TPD52: variants seen among roughly 807,000 people sequenced by gnomAD.
TPD52 encodes the protein prostate and colon associated protein.
A neutral mutation model predicts 31.3 loss-of-function variants in TPD52; 17 were observed. The ratio of observed to expected loss-of-function variants is 0.54; its 90% CI spans 0.37 to 0.82. The LOEUF (loss-of-function observed/expected upper bound fraction) is 0.82, where lower values mean the gene tolerates loss of function less well. Among genes scored for constraint, TPD52 ranks in the 40% least tolerant of loss-of-function variants. The probability of loss-of-function intolerance (pLI) is 0.00; values close to 1 mark genes in which losing one functional copy is unlikely to be tolerated. For missense variants in TPD52, 212 were observed against 240.1 expected, an observed-to-expected ratio of 0.88 and a Z score of 0.77; for synonymous variants, 83 against 89.6, an observed-to-expected ratio of 0.93 and a Z score of 0.42.
chr8:80,042,606 A>T lies in TPD52; in HGVS notation c.504+14T>A. On this transcript the variant is annotated intron_variant, in intron 7 of 7. Coordinates refer to ENST00000518937, the MANE Select transcript of TPD52 (RefSeq NM_001025253.3). Reference sequence around the variant, plus strand: ...GCAATGTATCAAAAAGACCCTGTTCATCTCTCTACTTGCCTTTAAGTTTTC... The same window carrying T: ...GCAATGTATCAAAAAGACCCTGTTCTTCTCTCTACTTGCCTTTAAGTTTTC... The T allele has an allele frequency of 6.2e-7, 1 of 1,606,826 alleles. No homozygotes were observed. The highest frequency in any genetic ancestry group is 8.5e-7 in the Non-Finnish European group (1 of 1,176,336).
At chr8:80,106,386 C>T (rs1381714099) in intron 1 of TPD52, among the ~76,000 whole-genome samples, 1 of 152,088 alleles carries the variant, frequency 6.6e-6, no homozygotes, top group Admixed American at 6.5e-5. Context: ...GAGACAGAGT[C>T]TTGCTCTGTC....
intron 1 of TPD52, among the ~76,000 whole-genome samples, chr8:80,098,061 T>G (rs535901803): frequency 1.3e-5 from 2 of 152,372 alleles, no homozygotes; most frequent in South Asian, 4.1e-4. Context: ...GTTTATAATA[T>G]GGTTTACTGA....
At position 80,086,654 on chromosome 8, in the gene TPD52, A is replaced by G; in HGVS notation, c.20-22061T>C. 2.0e-5 allele frequency among the ~76,000 whole-genome samples: 3 copies of G among 151,956 alleles called. No homozygotes were observed. In the South Asian group the frequency reaches 6.2e-4, roughly 32 times the overall value. On this transcript the variant is annotated intron_variant, in intron 1 of 7. Transcript: ENST00000518937. ...TTTGGGAGACCAAGGCAGGCAGATC[A>G]CCTGACATCAAGAGTTCGAGACCAG... is the stretch of plus-strand genomic sequence containing the variant.
intron 1 of TPD52, among the ~76,000 whole-genome samples, chr8:80,095,765 G>A (rs1037040580): frequency 6.6e-6 from 1 of 152,114 alleles, no homozygotes; most frequent in African/African-American, 2.4e-5. Flanking sequence ...CCAACATGGT[G>A]AAACTCCGTC....
At chr8:80,056,847 T>C (rs530630580) in intron 2 of TPD52, among the ~76,000 whole-genome samples, 2 of 152,082 alleles carry the variant, frequency 1.3e-5, no homozygotes, top group Non-Finnish European at 2.9e-5. Flanking sequence ...GCAACTCCAC[T>C]CCTAGGTATA....
intron 1 of TPD52, among the ~76,000 whole-genome samples, chr8:80,128,540 C>T (rs1475905458): frequency 6.7e-6 from 1 of 149,596 alleles, no homozygotes; most frequent in African/African-American, 2.5e-5. Context: ...CACACCCATA[C>T]TTCTCAGCTA....
chr8:80,139,276 T>A (rs1809650305), intron 1 of TPD52, among the ~76,000 whole-genome samples: 1 of 152,148 alleles, frequency 6.6e-6, no homozygotes, highest in South Asian at 2.1e-4. Context: ...TACTATAAAA[T>A]CCACTATTTT....
chr8:80,064,585 T>C lies in TPD52; in HGVS notation c.28A>G (p.Arg10Gly). The C allele has an allele frequency of 6.2e-7, 1 of 1,613,136 alleles. No individual in the cohort carries two copies. Among genetic ancestry groups the C allele is most frequent in the Non-Finnish European group, 8.5e-7 (1 of 1,179,066 alleles). Residue 10 changes from arginine (R) to glycine (G), a missense_variant, in exon 2 of 8, where the codon AGA becomes GGA. By Grantham distance (125) the Arg-to-Gly change is moderately radical. Transcript: ENST00000518937. ...CCTTCCTCAGGGACTGGGTCTGTTC[T>C]CAGCAGACCTGGTTGGGGATTTAAA... MDRGEQGLL[R>G]TDPVPEEGED... is the part of the protein sequence containing the mutation.
chr8:80,092,924 A>G (rs1816398172), intron 1 of TPD52, among the ~76,000 whole-genome samples: 1 of 152,182 alleles, frequency 6.6e-6, no homozygotes, highest in Non-Finnish European at 1.5e-5. Context: ...AATAAAGAAT[A>G]TATTTATTAC....
chr8:80,096,082 C>T (rs1360276570), intron 1 of TPD52, among the ~76,000 whole-genome samples: 4 of 152,108 alleles, frequency 2.6e-5, no homozygotes, highest in Non-Finnish European at 5.9e-5. Context: ...ATGACAAAAA[C>T]CCGTCTCTAT....
intron 1 of TPD52, among the ~76,000 whole-genome samples, chr8:80,158,070 CTATTTGCTTGGGAA>C (rs770795759): frequency 6.6e-5 from 10 of 152,320 alleles, no homozygotes; most frequent in East Asian, 1.9e-4. Context: ...TATCTATAGT[CTATTTGCTTGGGAA>C]TATTTGCTTG....
chr8:80,091,641 A>C (rs1816284105), intron 1 of TPD52, among the ~76,000 whole-genome samples: 1 of 152,182 alleles, frequency 6.6e-6, no homozygotes, highest in Non-Finnish European at 1.5e-5. Context: ...TTCATTTTAG[A>C]AATAGAGTTT....
chr8:80,146,260 A>G (rs1791329488), intron 1 of TPD52, among the ~76,000 whole-genome samples: 1 of 152,266 alleles, frequency 6.6e-6, no homozygotes. Context: ...AGCCCCTGGA[A>G]GTTCACCTAA....
At chr8:80,148,713 C>T (rs1810373259) in intron 1 of TPD52, among the ~76,000 whole-genome samples, 3 of 152,100 alleles carry the variant, frequency 2.0e-5, no homozygotes, top group Admixed American at 2.0e-4. Flanking sequence ...ACATCAGTTA[C>T]TCCAATTTCA....
At chr8:80,080,766 AAAG>A in intron 1 of TPD52, 1 of 1,051,970 alleles carries the variant, frequency 9.5e-7, no homozygotes. Flanking sequence ...CTCAGTCAAC[AAAG>A]AAGGGCAGGG....
chr8:80,101,835 TCCA>T (rs1806765911), intron 1 of TPD52, among the ~76,000 whole-genome samples: 1 of 152,034 alleles, frequency 6.6e-6, no homozygotes, highest in African/African-American at 2.4e-5. Flanking sequence ...AGGCCACACT[TCCA>T]ACACCGGGGA....
chr8:80,070,982 T>C (rs975774352), intron 1 of TPD52, among the ~76,000 whole-genome samples: 4 of 152,104 alleles, frequency 2.6e-5, no homozygotes, highest in African/African-American at 9.7e-5. Context: ...ACGCAGAGAC[T>C]CAGAGAAGAG....
intron 1 of TPD52, among the ~76,000 whole-genome samples, chr8:80,066,092 C>T (rs1347934853): frequency 2.0e-5 from 3 of 152,132 alleles, no homozygotes; most frequent in Non-Finnish European, 4.4e-5. Flanking sequence ...AATGTGGCAT[C>T]CTGCCCAATG....
chr8:80,113,204 T>C (rs1807620319), intron 1 of TPD52, among the ~76,000 whole-genome samples: 1 of 151,732 alleles, frequency 6.6e-6, no homozygotes, highest in South Asian at 2.1e-4. Flanking sequence ...TGACCACCTA[T>C]TTAAAATCAC....
Sources: allele counts gnomAD v4.1 joint callset (sites outside exome capture counted in the v4.1 genomes callset), GRCh38; gene constraint gnomAD v4.1.1; transcripts MANE v1.5; gene names NCBI Gene and HGNC (gene_info 2026-07-23, HGNC 2026-07-21).